Variants in NELL2 observed in about 807,000 individuals in gnomAD.
NELL2 encodes the protein neural EGFL like 2, also known as protein kinase C-binding protein NELL2.
NELL2 carries 41 observed loss-of-function variants against 109.6 expected under a neutral mutation model. That is an observed-to-expected ratio of 0.37 (90% CI 0.29 to 0.49). The LOEUF is 0.49. Among genes scored for constraint, NELL2 ranks in the 20% least tolerant of loss-of-function variants. The pLI is 0.98. For missense variants in NELL2, 900 were observed against 1,008.3 expected, an observed-to-expected ratio of 0.89 and a Z score of 1.45; for synonymous variants, 355 against 344.7, an observed-to-expected ratio of 1.03 and a Z score of -0.33.
intron 2 of NELL2, among the ~76,000 whole-genome samples, chr12:44,852,126 C>T (rs1032909416): frequency 6.6e-6 from 1 of 151,970 alleles, no homozygotes; most frequent in African/African-American, 2.4e-5. Context: ...ATGCATTCAC[C>T]GTCAATATCA....
At chr12:44,843,227 A>G (rs1355507801) in intron 2 of NELL2, among the ~76,000 whole-genome samples, 1 of 152,178 alleles carries the variant, frequency 6.6e-6, no homozygotes, top group African/African-American at 2.4e-5. Flanking sequence ...AAAAAAACTA[A>G]TTAGAAAGTA....
chr12:44,762,185 T>C (rs1427523762), intron 9 of NELL2, among the ~76,000 whole-genome samples: 3 of 152,176 alleles, frequency 2.0e-5, no homozygotes. Flanking sequence ...TTGCACTACA[T>C]TGCCACTTAA....
chr12:44,702,672 G>C (rs1040900818), intron 12 of NELL2, among the ~76,000 whole-genome samples: 1 of 152,064 alleles, frequency 6.6e-6, no homozygotes, highest in Non-Finnish European at 1.5e-5. Context: ...AAATAAATCT[G>C]CATTATGAAT....
chr12:44,919,937 G>T (rs866147804), intron 1 of NELL2, among the ~76,000 whole-genome samples: 1 of 152,238 alleles, frequency 6.6e-6, no homozygotes, highest in Middle Eastern at 3.4e-3. Context: ...TTCACTTTTT[G>T]CATAGCCATG....
chr12:44,751,377 C>G (rs1940644130), intron 9 of NELL2, among the ~76,000 whole-genome samples: 1 of 152,002 alleles, frequency 6.6e-6, no homozygotes, highest in African/African-American at 2.4e-5. Context: ...CTGGAAGTAT[C>G]TGAGCCTTTG....
At chr12:44,528,176 A>G (rs1295463601) in intron 16 of NELL2, among the ~76,000 whole-genome samples, 1 of 144,080 alleles carries the variant, frequency 6.9e-6, no homozygotes, top group Non-Finnish European at 1.5e-5. Context: ...GGTTTTTCTG[A>G]TAATCTTTAT....
chr12:44,610,762 A>T, intron 14 of NELL2, 86 bp downstream of exon 14: 6 of 1,563,816 alleles, frequency 3.8e-6, no homozygotes, highest in Non-Finnish European at 5.3e-6. Context: ...TGGAATGTAC[A>T]TAACAGTAAT....
intron 1 of NELL2, among the ~76,000 whole-genome samples, chr12:44,898,180 G>A (rs561204661): frequency 6.6e-6 from 1 of 152,302 alleles, no homozygotes; most frequent in South Asian, 2.1e-4. Flanking sequence ...TGTGGGCGCA[G>A]CTTCAGCAGA....
At chr12:44,721,413 A>C (rs551719105) in intron 9 of NELL2, among the ~76,000 whole-genome samples, 60 of 152,344 alleles carry the variant, frequency 3.9e-4, no homozygotes, top group Non-Finnish European at 7.8e-4. Context: ...AAAGCGACAA[A>C]CATGGACACA....
At chr12:44,687,138 G>A (rs542765767) in intron 12 of NELL2, among the ~76,000 whole-genome samples, 55 of 152,314 alleles carry the variant, frequency 3.6e-4, no homozygotes, top group African/African-American at 1.2e-3. Context: ...TCGGAAATGC[G>A]CAGTATTCGG....
At chr12:44,744,266 C>G (rs1389811322) in intron 9 of NELL2, among the ~76,000 whole-genome samples, 9 of 152,064 alleles carry the variant, frequency 5.9e-5, no homozygotes, top group African/African-American at 2.2e-4. Context: ...AACAAAGACA[C>G]AACATACCAG....
At chr12:44,825,391 C>CTTT (rs34266446) in intron 2 of NELL2, among the ~76,000 whole-genome samples, 86 of 83,610 alleles carry the variant, frequency 1.0e-3, no homozygotes, top group African/African-American at 1.3e-3. Flanking sequence ...TATTCATTTC[C>CTTT]TTTTTTTTTT....
chr12:44,867,219 A>C (rs1424470511), intron 2 of NELL2, among the ~76,000 whole-genome samples: 1 of 152,194 alleles, frequency 6.6e-6, no homozygotes, highest in Non-Finnish European at 1.5e-5. Context: ...AACAGAGATG[A>C]AATAATCCTC....
At chr12:44,635,280 A>C (rs1004565712) in intron 13 of NELL2, among the ~76,000 whole-genome samples, 2 of 152,024 alleles carry the variant, frequency 1.3e-5, no homozygotes, top group Middle Eastern at 3.2e-3. Flanking sequence ...GAAGCTCTTT[A>C]GTTTAATTAG....
chr12:44,634,432 C>T (rs1278089180), intron 13 of NELL2, among the ~76,000 whole-genome samples: 1 of 149,278 alleles, frequency 6.7e-6, no homozygotes, highest in Admixed American at 6.8e-5. Flanking sequence ...GTTTGGTTTT[C>T]TGTTCCTGTG....
chr12:44,603,145 A>G (rs1238821912), intron 15 of NELL2, among the ~76,000 whole-genome samples: 1 of 152,180 alleles, frequency 6.6e-6, no homozygotes, highest in African/African-American at 2.4e-5. Context: ...AACAACTCAC[A>G]AAAATAATTA....
At chr12:44,620,610 G>C (rs2136270796) in intron 13 of NELL2, among the ~76,000 whole-genome samples, 1 of 152,174 alleles carries the variant, frequency 6.6e-6, no homozygotes, top group East Asian at 1.9e-4. Context: ...CAAATATACA[G>C]CTAAATCTAT....
At chr12:44,885,005 G>A (rs1945454446) in intron 1 of NELL2, among the ~76,000 whole-genome samples, 1 of 151,996 alleles carries the variant, frequency 6.6e-6, no homozygotes, top group African/African-American at 2.4e-5. Context: ...ACAGCTGGGT[G>A]TGGTGGCTCC....
chr12:44,746,235 G>A (rs1192956741), intron 9 of NELL2, among the ~76,000 whole-genome samples: 1 of 152,144 alleles, frequency 6.6e-6, no homozygotes, highest in Non-Finnish European at 1.5e-5. Context: ...TGGGAAAATT[G>A]GCTAGCCATA....
Sources: allele counts gnomAD v4.1 joint callset (sites outside exome capture counted in the v4.1 genomes callset), GRCh38; gene constraint gnomAD v4.1.1; transcripts MANE v1.5; gene names NCBI Gene and HGNC (gene_info 2026-07-23, HGNC 2026-07-21).